The following RBMS3 variants were observed in gnomAD, a reference collection of about 807,000 sequenced individuals.
RBMS3 encodes the protein RNA-binding motif, single-stranded-interacting protein 3.
A neutral mutation model predicts 66.8 loss-of-function variants in RBMS3; 27 were observed. That is an observed-to-expected ratio of 0.40 (90% CI 0.30 to 0.56). RBMS3 has a LOEUF of 0.56. Ranked by LOEUF, RBMS3 falls within the 20% of genes least tolerant of loss-of-function variation. The pLI is 0.40. For synonymous variants in RBMS3, 188 were observed against 183.0 expected, an observed-to-expected ratio of 1.03 and a Z score of -0.22; for missense variants, 513 against 549.5, an observed-to-expected ratio of 0.93 and a Z score of 0.66.
At chr3:29,834,179 T>C in intron 6 of RBMS3, among the ~76,000 whole-genome samples, 1 of 152,090 alleles carries the variant, frequency 6.6e-6, no homozygotes, top group Non-Finnish European at 1.5e-5. Flanking sequence ...ACCATTATAC[T>C]TGCCTTACAA....
intron 7 of RBMS3, chr3:29,880,960 A>C: frequency 1.2e-6 from 1 of 858,638 alleles, no homozygotes; most frequent in Non-Finnish European, 1.8e-6. Context: ...GCTCATGCTA[A>C]CTCCTGTTCC....
intron 5 of RBMS3, among the ~76,000 whole-genome samples, chr3:29,761,427 C>T (rs925797588): frequency 2.6e-5 from 4 of 152,060 alleles, no homozygotes; most frequent in Non-Finnish European, 4.4e-5. Flanking sequence ...CCGGGCAAAC[C>T]TTCCACTGAG....
intron 3 of RBMS3, among the ~76,000 whole-genome samples, chr3:29,548,785 GTCT>G (rs1287046926): frequency 6.6e-6 from 1 of 151,812 alleles, no homozygotes. Context: ...CAGAAAAGAA[GTCT>G]TCTCAGTTTA....
chr3:29,342,106 A>T (rs906246893), intron 1 of RBMS3, among the ~76,000 whole-genome samples: 1 of 152,162 alleles, frequency 6.6e-6, no homozygotes, highest in African/African-American at 2.4e-5. Flanking sequence ...TGATAAGGAG[A>T]TATATTTTTG....
intron 1 of RBMS3, among the ~76,000 whole-genome samples, chr3:29,340,752 C>T (rs1014676446): frequency 2.0e-5 from 3 of 152,062 alleles, no homozygotes; most frequent in Non-Finnish European, 2.9e-5. Context: ...TCTCTATGTG[C>T]TTCGCTTTTT....
chr3:29,769,728 G>A (rs952599573), intron 6 of RBMS3, among the ~76,000 whole-genome samples: 52 of 151,720 alleles, frequency 3.4e-4, no homozygotes, highest in African/African-American at 1.2e-3. Context: ...ATACTCTTTG[G>A]AGTTGTATAG....
intron 3 of RBMS3, among the ~76,000 whole-genome samples, chr3:29,585,947 TA>T (rs2047505879): frequency 6.6e-6 from 1 of 152,014 alleles, no homozygotes; most frequent in Admixed American, 6.6e-5. Context: ...GGGAAAAAAT[TA>T]AAAAGTTAAT....
intron 3 of RBMS3, among the ~76,000 whole-genome samples, chr3:29,516,566 C>T (rs1029924328): frequency 1.3e-5 from 2 of 151,924 alleles, no homozygotes; most frequent in African/African-American, 4.8e-5. Flanking sequence ...CTTTAGCCTC[C>T]TGAATAGCAG....
intron 1 of RBMS3, among the ~76,000 whole-genome samples, chr3:29,412,198 T>C (rs999606059): frequency 2.0e-5 from 3 of 152,196 alleles, no homozygotes; most frequent in Non-Finnish European, 2.9e-5. Context: ...CTCACAGTTT[T>C]GACAGTCATG....
chr3:29,623,442 A>C (rs1308071127), intron 4 of RBMS3, among the ~76,000 whole-genome samples: 1 of 151,584 alleles, frequency 6.6e-6, no homozygotes, highest in African/African-American at 2.4e-5. Context: ...AATACAAAAA[A>C]TTAGCCAGGC....
intron 3 of RBMS3, among the ~76,000 whole-genome samples, chr3:29,501,892 A>G (rs1056655786): frequency 6.6e-6 from 1 of 152,098 alleles, no homozygotes; most frequent in Non-Finnish European, 1.5e-5. Flanking sequence ...GTAAACGAAG[A>G]GCTGTGTAGT....
chr3:29,766,976 T>TTGATG (rs1197224730), intron 6 of RBMS3: 2 of 151,968 alleles, frequency 1.3e-5, no homozygotes, highest in African/African-American at 4.8e-5. Flanking sequence ...CATATCGATC[T>TTGATG]TGATGTTTTT....
At chr3:29,735,929 G>A (rs114698508) in intron 4 of RBMS3, among the ~76,000 whole-genome samples, 2,451 of 152,102 alleles carry the variant, frequency 0.016, 57 homozygotes, top group African/African-American at 0.054. Flanking sequence ...AGGAGATTTG[G>A]CCATAAAAAT....
intron 1 of RBMS3, among the ~76,000 whole-genome samples, chr3:29,354,200 A>G (rs1376615592): frequency 2.0e-5 from 3 of 152,076 alleles, no homozygotes; most frequent in Admixed American, 6.6e-5. Context: ...AAACTCTGCA[A>G]TTAGGAATAC....
chr3:29,485,553 G>A (rs1311000849), intron 2 of RBMS3, among the ~76,000 whole-genome samples: 1 of 152,146 alleles, frequency 6.6e-6, no homozygotes, highest in Admixed American at 6.5e-5. Flanking sequence ...TTGCAATGCT[G>A]TATTAGGGAG....
intron 1 of RBMS3, among the ~76,000 whole-genome samples, chr3:29,305,330 T>A (rs2125454182): frequency 6.6e-6 from 1 of 152,098 alleles, no homozygotes; most frequent in South Asian, 2.1e-4. Flanking sequence ...ATTGCCTTCC[T>A]ATTAAAATGT....
At chr3:29,714,138 T>C (rs2053291057) in intron 4 of RBMS3, among the ~76,000 whole-genome samples, 1 of 140,566 alleles carries the variant, frequency 7.1e-6, no homozygotes, top group African/African-American at 2.7e-5. Context: ...CAGGATCTCT[T>C]CTAGGGGCTG....
At chr3:29,375,112 A>G (rs1269067986) in intron 1 of RBMS3, among the ~76,000 whole-genome samples, 1 of 152,236 alleles carries the variant, frequency 6.6e-6, no homozygotes, top group East Asian at 1.9e-4. Flanking sequence ...CAATAGGGAA[A>G]GGATTTCTTA....
intron 1 of RBMS3, among the ~76,000 whole-genome samples, chr3:29,317,333 A>G (rs1026726681): frequency 1.3e-5 from 2 of 151,760 alleles, no homozygotes; most frequent in Non-Finnish European, 2.9e-5. Context: ...CAGATAGGAT[A>G]TTCTTTAGGA....
Sources: gnomAD v4.1 joint callset for allele counts (sites outside exome capture counted in the v4.1 genomes callset) on GRCh38, gnomAD v4.1.1 for gene constraint, MANE v1.5 for transcripts, NCBI Gene and HGNC (gene_info 2026-07-23, HGNC 2026-07-21) for gene names.